Variants in PAN3 observed in about 807,000 individuals in gnomAD.
The protein encoded by PAN3 is PAN2-PAN3 deadenylation complex subunit PAN3.
A neutral mutation model predicts 96.2 loss-of-function variants in PAN3; 19 were observed. The observed-to-expected ratio is 0.20, with a 90% CI of 0.14 to 0.29. PAN3 has a LOEUF of 0.29. Ranked by LOEUF, PAN3 falls within the 10% of genes least tolerant of loss-of-function variation. PAN3 has a pLI of 1.00. For synonymous variants in PAN3, 433 were observed against 406.6 expected (o/e 1.06, Z -0.78); for missense variants, 882 against 1,108.1 (o/e 0.80, Z 2.90).
Position 28,139,083 on chromosome 13 carries a change from G to A in PAN3, c.426G>A (p.Leu142=). 1 of 1,269,050 alleles carries A rather than the reference G, an allele frequency of 7.9e-7. No homozygotes were observed. The highest frequency in any genetic ancestry group is 9.9e-7 in the Non-Finnish European group (1 of 1,008,688). The allele number at this position is 1,269,050 out of a possible 1,614,324, so 78.6% of individuals were successfully genotyped here. ...GSSGGLDGPR[L]AIPGMDGGAL... is the part of the protein sequence containing the mutation. ...GCGGGGGACTCGATGGACCGCGGCT[G>A]GCAAGTGAGTGTTTTTCGGGCGGGG... The change falls in exon 1 of 19, where the codon CTG becomes CTA. Residue 142 remains leucine, a synonymous_variant. Coordinates refer to ENST00000380958, the MANE Select transcript of PAN3 (RefSeq NM_175854.8).
chr13:28,146,032 A>T (rs1870583493), intron 1 of PAN3, among the ~76,000 whole-genome samples: 1 of 152,036 alleles, frequency 6.6e-6, no homozygotes, highest in Non-Finnish European at 1.5e-5. Flanking sequence ...AAGTGCTGGG[A>T]TTGCAGGTGT....
At chr13:28,222,065 C>T (rs1050858084) in intron 6 of PAN3, among the ~76,000 whole-genome samples, 1 of 152,062 alleles carries the variant, frequency 6.6e-6, no homozygotes, top group South Asian at 2.1e-4. Context: ...CTTCCTTCCT[C>T]GTATCAGAAA....
At chr13:28,140,502 T>G (rs1869593148) in intron 1 of PAN3, among the ~76,000 whole-genome samples, 1 of 152,192 alleles carries the variant, frequency 6.6e-6, no homozygotes, top group Non-Finnish European at 1.5e-5. Context: ...GTTTTAGCAT[T>G]TAATTGGTCT....
rs567250908 is a variant in PAN3, at chr13:28,251,095, T to G, written c.1001-5197T>G. On this transcript the variant is annotated intron_variant, in intron 6 of 18. Coordinates refer to ENST00000380958, the MANE Select transcript of PAN3 (RefSeq NM_175854.8). The stretch of plus-strand genomic sequence containing the variant: ...TATCTACTTTGCTATTTAATGCATC[T>G]TTTGATGTTTTTTCCCTTTAATTTT... 3.3e-5 allele frequency among the ~76,000 whole-genome samples: 5 copies of G among 152,326 alleles called. No individual in the cohort carries two copies. In the South Asian group the frequency reaches 8.3e-4, roughly 25 times the overall value.
chr13:28,293,416 T>TGG lies in PAN3; in HGVS notation c.*896_*897dup, dbSNP rs1870005576. The TGG allele has an allele frequency of 1.4e-5, 1 of 69,026 alleles. No individual in the cohort carries two copies. Among genetic ancestry groups the TGG allele is most frequent in the Non-Finnish European group, 2.9e-5 (1 of 34,162 alleles). 4.3% of individuals were successfully genotyped at this position (69,026 alleles called of 1,614,324 possible). A position where few individuals can be genotyped will look rare whatever the true frequency, so the allele number is the denominator to read the frequency against. ...TTTTTTTTTTTTTTTTTTTTTTTTT[T>TGG]GGGCGGGGGGGAGGTTTATGAAGTT... On this transcript the variant is annotated 3_prime_UTR_variant, in exon 19 of 19. Coordinates refer to ENST00000380958, the MANE Select transcript of PAN3 (RefSeq NM_175854.8).
chr13:28,244,837 T>A (rs1166094401), intron 6 of PAN3, among the ~76,000 whole-genome samples: 1 of 152,090 alleles, frequency 6.6e-6, no homozygotes, highest in African/African-American at 2.4e-5. Flanking sequence ...AATATTTTTA[T>A]TTTGTTTTAT....
At position 28,289,017 on chromosome 13, in the gene PAN3, A is replaced by G. The variant is rs528558902; in HGVS notation, c.2523+895A>G. 8.8e-4 allele frequency among the ~76,000 whole-genome samples: 133 copies of G among 151,914 alleles called. 1 individual carries two copies. The highest frequency in any genetic ancestry group is 1.4e-3 in the Non-Finnish European group (93 of 67,960). ...AATTTTTTGTATTTTTAGTAGAGAC[A>G]GGATTTCACCATGTTAGCCAGGATG... On this transcript the variant is annotated intron_variant, in intron 18 of 18. Transcript: ENST00000380958.
At position 28,197,515 on chromosome 13, in the gene PAN3, A is replaced by C. The variant is rs566192883; in HGVS notation, c.852+169A>C. On this transcript the variant is annotated intron_variant, in intron 5 of 18. Transcript: ENST00000380958. Reference sequence around the variant, plus strand: ...TTAGTGACCCTTAACCAACTAAATGATTTTTTCTTGGTGGCTTTTTGAGCT... The same window carrying C: ...TTAGTGACCCTTAACCAACTAAATGCTTTTTTCTTGGTGGCTTTTTGAGCT... Among the ~76,000 whole-genome samples, 3 of 151,622 alleles carry C rather than the reference A, an allele frequency of 2.0e-5. No individual in the cohort carries two copies. In the East Asian group the frequency reaches 5.8e-4, roughly 29 times the overall value.
chr13:28,155,179 C>T (rs1159555800), intron 1 of PAN3, among the ~76,000 whole-genome samples: 1 of 152,096 alleles, frequency 6.6e-6, no homozygotes, highest in Non-Finnish European at 1.5e-5. Context: ...CTGCAGGTAA[C>T]TCACTGTTTA....
intron 6 of PAN3, among the ~76,000 whole-genome samples, chr13:28,227,161 C>G (rs1882091922): frequency 6.6e-6 from 1 of 152,156 alleles, no homozygotes; most frequent in Non-Finnish European, 1.5e-5. Context: ...ATTCCCTTCT[C>G]AGTTGGGAAT....
intron 6 of PAN3, among the ~76,000 whole-genome samples, chr13:28,230,429 C>T (rs1593520405): frequency 6.7e-6 from 1 of 150,018 alleles, no homozygotes; most frequent in African/African-American, 2.4e-5. Context: ...AAAAAAAAAA[C>T]AACCCTATGG....
At chr13:28,282,741 T>A (rs1868444826) in intron 17 of PAN3, among the ~76,000 whole-genome samples, 1 of 152,192 alleles carries the variant, frequency 6.6e-6, no homozygotes, top group Admixed American at 6.5e-5. Context: ...CTGCACTTCC[T>A]GTTCCTATCT....
In PAN3 at chr13:28,286,176, G is replaced by A. The variant is rs1214777330; in HGVS notation, c.2385-1808G>A. On this transcript the variant is annotated intron_variant, in intron 17 of 18. Transcript: ENST00000380958. The stretch of plus-strand genomic sequence containing the variant: ...AAGGATTATCATTTGTCTTGGACAG[G>A]TCAGCATCCCCTGAAAAGAATCTTC... Among the ~76,000 whole-genome samples, 5 of 152,152 alleles carry A rather than the reference G, an allele frequency of 3.3e-5. No homozygotes were observed. In the South Asian group the frequency reaches 1.0e-3, roughly 32 times the overall value.
intron 18 of PAN3, among the ~76,000 whole-genome samples, chr13:28,291,382 C>T (rs934431545): frequency 1.3e-5 from 2 of 152,060 alleles, no homozygotes; most frequent in Non-Finnish European, 2.9e-5. Flanking sequence ...TGCCAAATTC[C>T]ATTAGGGTCA....
Position 28,270,746 on chromosome 13 carries a change from C to T in PAN3, c.1838C>T (p.Pro613Leu), listed in dbSNP as rs1294337105. ...CCCAGGCAGCATGCTGGATTATTGC[C>T]AGAATCTCTTATTTGGGCATATATT... is the stretch of plus-strand genomic sequence containing the variant. ...PLPRQHAGLL[P>L]ESLIWAYIVQ... The change falls in exon 13 of 19, where the codon CCA becomes CTA. Residue 613 changes from proline to leucine, a missense_variant. This residue lies in a region of PAN3 where 364 missense variants were observed against 513.6 expected (regional missense o/e 0.71). Coordinates refer to ENST00000380958, the MANE Select transcript of PAN3 (RefSeq NM_175854.8). The T allele has an allele frequency of 6.2e-7, 1 of 1,613,918 alleles. No homozygotes were observed. The highest frequency in any genetic ancestry group is 1.7e-5 in the Admixed American group (1 of 59,998).
chr13:28,188,751 AT>A lies in PAN3; in HGVS notation c.691-8432del, dbSNP rs535125288. Among the ~76,000 whole-genome samples the A allele has an allele frequency of 3.0e-3, 464 of 152,350 alleles. 3 individuals carry two copies. The highest frequency in any genetic ancestry group is 0.011 in the African/African-American group (442 of 41,590). On this transcript the variant is annotated intron_variant, in intron 4 of 18. Coordinates refer to ENST00000380958, the MANE Select transcript of PAN3 (RefSeq NM_175854.8). ...AAGCAACAGTTTTCTCTAGTTTATTATTAATGAGTAGACCATGATATGTAAT... is the reference window on the plus strand; with the variant it reads ...AAGCAACAGTTTTCTCTAGTTTATTATAATGAGTAGACCATGATATGTAAT...
chr13:28,171,632 C>T (rs1275430057), intron 1 of PAN3, among the ~76,000 whole-genome samples: 1 of 152,170 alleles, frequency 6.6e-6, no homozygotes, highest in Non-Finnish European at 1.5e-5. Context: ...GATGAACAGT[C>T]AGATGAAAAG....
intron 4 of PAN3, among the ~76,000 whole-genome samples, chr13:28,178,246 A>G (rs1331905403): frequency 6.6e-6 from 1 of 152,150 alleles, no homozygotes; most frequent in East Asian, 1.9e-4. Flanking sequence ...AATGTGACCC[A>G]TTGTAAGCAT....
intron 1 of PAN3, 65 bp from the exon 2 acceptor site, chr13:28,174,207 G>A: frequency 6.7e-7 from 1 of 1,496,650 alleles, no homozygotes; most frequent in South Asian, 1.2e-5. Flanking sequence ...TAGGAACACA[G>A]AAGTGAAATC....
Sources: gnomAD v4.1 joint callset for allele counts (sites outside exome capture counted in the v4.1 genomes callset) on GRCh38, gnomAD v4.1.1 for gene constraint, gnomAD v4.1.1 regional missense constraint, MANE v1.5 for transcripts, NCBI Gene and HGNC (gene_info 2026-07-23, HGNC 2026-07-21) for gene names.